The following WWC2 variants were observed in gnomAD, a reference collection of about 807,000 sequenced individuals.
The protein encoded by WWC2 is protein WWC2.
In WWC2, 101 loss-of-function variants were observed where a neutral mutation model predicts 138.5. That is an observed-to-expected ratio of 0.73 (90% CI 0.62 to 0.86). The LOEUF is 0.86. Ranked by LOEUF, WWC2 falls within the 40% of genes least tolerant of loss-of-function variation. WWC2 has a pLI of 0.00. For synonymous variants in WWC2, 558 were observed against 538.4 expected (o/e 1.04, Z -0.50); for missense variants, 1,420 against 1,419.4 (o/e 1.00, Z -0.01).
At chr4:183,209,739 G>A (rs1157668065) in intron 4 of WWC2, among the ~76,000 whole-genome samples, 12 of 152,162 alleles carry the variant, frequency 7.9e-5, no homozygotes, top group Non-Finnish European at 1.8e-4. Context: ...TCATGGAGAG[G>A]TGTTTCCTGA....
chr4:183,280,943 G>A (rs907633634), intron 17 of WWC2, 46 bp downstream of exon 17: 1 of 1,526,842 alleles, frequency 6.5e-7, no homozygotes, highest in Non-Finnish European at 8.8e-7. Context: ...AAGATGATGT[G>A]TTTACACGGC....
At chr4:183,246,308 C>A (rs777551080) in intron 6 of WWC2, among the ~76,000 whole-genome samples, 2 of 152,038 alleles carry the variant, frequency 1.3e-5, no homozygotes, top group Non-Finnish European at 2.9e-5. Flanking sequence ...ATTTGGAGTT[C>A]TTACTTAGCT....
chr4:183,282,653 G>A (rs770950416), intron 17 of WWC2, 55 bp from the exon 18 acceptor site: 66 of 1,507,524 alleles, frequency 4.4e-5, no homozygotes, highest in East Asian at 2.5e-4. Context: ...CCCAGGTTGC[G>A]TGTTCATGGA....
intron 1 of WWC2, among the ~76,000 whole-genome samples, chr4:183,137,748 C>T (rs544919138): frequency 5.6e-4 from 85 of 152,300 alleles, no homozygotes; most frequent in African/African-American, 2.0e-3. Context: ...GTCTGCCTGC[C>T]TCGGCCTCCC....
chr4:183,247,765 AATATATATACTATATATATATT>A (rs1259767468), intron 6 of WWC2, among the ~76,000 whole-genome samples: 1 of 136,290 alleles, frequency 7.3e-6, no homozygotes, highest in African/African-American at 2.7e-5. Context: ...ATATATATAT[AATATATATACTATATATATATT>A]ATATATATAG....
intron 1 of WWC2, among the ~76,000 whole-genome samples, chr4:183,112,402 G>A (rs1161595936): frequency 6.6e-6 from 1 of 152,212 alleles, no homozygotes; most frequent in Non-Finnish European, 1.5e-5. Context: ...TCCCCACAGG[G>A]ACACTTAACA....
intron 1 of WWC2, among the ~76,000 whole-genome samples, chr4:183,185,171 A>T (rs186182080): frequency 5.9e-5 from 9 of 152,326 alleles, no homozygotes; most frequent in Admixed American, 2.0e-4. Context: ...TGACCCCAAC[A>T]GTCTGTGCTT....
At position 183,302,550 on chromosome 4, in the gene WWC2, A is replaced by T. The variant is rs1580166628; in HGVS notation, c.3385-9791A>T. ...CTCTCTCTCTGTCAGGTACAGTAAG[A>T]GGCAGCTTCTCAAAGCACTGCTGTT... On this transcript the variant is annotated intron_variant, in intron 21 of 22. Transcript: ENST00000403733. Among the ~76,000 whole-genome samples the T allele has an allele frequency of 2.1e-5, 3 of 143,910 alleles. No homozygotes were observed. In the South Asian group the frequency reaches 7.1e-4, roughly 34 times the overall value. The allele number at this position is 143,910 out of a possible 152,430, so 94.4% of individuals were successfully genotyped here.
At chr4:183,254,303 G>A (rs188439807) in intron 9 of WWC2, among the ~76,000 whole-genome samples, 16 of 152,150 alleles carry the variant, frequency 1.1e-4, no homozygotes, top group African/African-American at 1.4e-4. Context: ...ATTGCACTCC[G>A]ATAAGAAAAA....
chr4:183,243,444 C>T (rs1461934054), intron 5 of WWC2, among the ~76,000 whole-genome samples: 3 of 152,184 alleles, frequency 2.0e-5, no homozygotes, highest in Non-Finnish European at 4.4e-5. Flanking sequence ...GCCATTTCCT[C>T]AGCCAAGTTG....
At chr4:183,187,045 A>G (rs183374183) in intron 1 of WWC2, among the ~76,000 whole-genome samples, 34 of 152,232 alleles carry the variant, frequency 2.2e-4, no homozygotes, top group African/African-American at 7.2e-4. Flanking sequence ...GCACCAGGCT[A>G]GGGGCTTTCC....
At chr4:183,192,195 T>C (rs1225202163) in intron 1 of WWC2, among the ~76,000 whole-genome samples, 1 of 152,266 alleles carries the variant, frequency 6.6e-6, no homozygotes, top group Non-Finnish European at 1.5e-5. Flanking sequence ...TGACTACTTA[T>C]AATGTCCTGG....
At chr4:183,236,888 A>G (rs1282531369) in intron 4 of WWC2, among the ~76,000 whole-genome samples, 2 of 152,186 alleles carry the variant, frequency 1.3e-5, no homozygotes, top group African/African-American at 4.8e-5. Context: ...ATCCATGAAC[A>G]TGGTCTATCT....
intron 21 of WWC2, among the ~76,000 whole-genome samples, chr4:183,303,835 G>GT (rs1020474527): frequency 2.6e-5 from 4 of 151,084 alleles, no homozygotes; most frequent in African/African-American, 9.7e-5. Flanking sequence ...ATTGTGGAGA[G>GT]TTTTTTTAAA....
chr4:183,231,668 A>T (rs1388238383), intron 4 of WWC2, among the ~76,000 whole-genome samples: 2 of 152,154 alleles, frequency 1.3e-5, no homozygotes, highest in Admixed American at 6.5e-5. Context: ...GGAATGAAGG[A>T]GAGCAGGTTG....
intron 2 of WWC2, 41 bp from the exon 3 acceptor site, chr4:183,207,910 CAA>C (rs1206353740): frequency 2.1e-5 from 32 of 1,525,202 alleles, no homozygotes; most frequent in Non-Finnish European, 2.7e-5. Context: ...AGCCGGAAAA[CAA>C]AGTTAAATTC....
intron 1 of WWC2, among the ~76,000 whole-genome samples, chr4:183,129,127 C>T (rs1732846352): frequency 6.6e-6 from 1 of 152,108 alleles, no homozygotes; most frequent in Admixed American, 6.5e-5. Context: ...GACACTATAC[C>T]TGGAATATTG....
At chr4:183,202,407 A>C (rs1055766421) in intron 2 of WWC2, among the ~76,000 whole-genome samples, 2 of 152,158 alleles carry the variant, frequency 1.3e-5, no homozygotes, top group Admixed American at 6.5e-5. Flanking sequence ...AAAATATATA[A>C]AATTTTAAAA....
chr4:183,187,431 G>A (rs1734840018), intron 1 of WWC2, among the ~76,000 whole-genome samples: 1 of 151,620 alleles, frequency 6.6e-6, no homozygotes, highest in South Asian at 2.1e-4. Context: ...GCACGCACCT[G>A]TAGTCCCAGC....
Sources: allele counts gnomAD v4.1 joint callset (sites outside exome capture counted in the v4.1 genomes callset), GRCh38; gene constraint gnomAD v4.1.1; transcripts MANE v1.5; gene names NCBI Gene and HGNC (gene_info 2026-07-23, HGNC 2026-07-21).